TIPIN: variants seen among roughly 807,000 people sequenced by gnomAD.
TIPIN encodes TIMELESS interacting protein.
A neutral mutation model predicts 35.6 loss-of-function variants in TIPIN; 29 were observed. That is an observed-to-expected ratio of 0.82 (90% CI 0.61 to 1.11). TIPIN has a LOEUF of 1.11. Ranked by LOEUF, TIPIN falls within the 50% of genes most tolerant of loss-of-function variation. TIPIN has a pLI of 0.00. For synonymous variants in TIPIN, 102 were observed against 121.5 expected (o/e 0.84, Z 1.06); for missense variants, 296 against 345.4 (o/e 0.86, Z 1.13).
intron 1 of TIPIN, among the ~76,000 whole-genome samples, chr15:66,377,847 TTTC>T (rs1351434098): frequency 6.6e-6 from 1 of 152,056 alleles, no homozygotes; most frequent in Non-Finnish European, 1.5e-5. Flanking sequence ...CGACTAATTT[TTTC>T]TTTTTTTTTT....
chr15:66,372,628 G>C (rs1157621127), intron 1 of TIPIN, among the ~76,000 whole-genome samples: 1 of 152,108 alleles, frequency 6.6e-6, no homozygotes, highest in Non-Finnish European at 1.5e-5. Context: ...TAATAGGGCC[G>C]GGACCTGTGG....
At chr15:66,385,875 C>CCTGGGCTCAAGTGATCCT (rs2093336006) in intron 1 of TIPIN, among the ~76,000 whole-genome samples, 1 of 151,954 alleles carries the variant, frequency 6.6e-6, no homozygotes, top group Non-Finnish European at 1.5e-5. Context: ...GCCTCAAACT[C>CCTGGGCTCAAGTGATCCT]CTGGGCTCAA....
At chr15:66,369,178 A>G (rs889232075) in intron 1 of TIPIN, among the ~76,000 whole-genome samples, 2 of 152,152 alleles carry the variant, frequency 1.3e-5, no homozygotes, top group African/African-American at 4.8e-5. Context: ...TGCATGGTTC[A>G]GCGGTAATCA....
chr15:66,377,972 A>T (rs998261835), intron 1 of TIPIN, among the ~76,000 whole-genome samples: 2 of 152,072 alleles, frequency 1.3e-5, no homozygotes, highest in Non-Finnish European at 2.9e-5. Flanking sequence ...CAGTCTCCCA[A>T]GTAGCTGGGA....
intron 1 of TIPIN, among the ~76,000 whole-genome samples, chr15:66,365,140 C>T (rs746585661): frequency 1.3e-5 from 2 of 151,804 alleles, no homozygotes; most frequent in Non-Finnish European, 2.9e-5. Flanking sequence ...GATAAGAGGT[C>T]AACAGGACTG....
intron 6 of TIPIN, among the ~76,000 whole-genome samples, chr15:66,343,106 C>T (rs572161821): frequency 6.6e-6 from 1 of 152,228 alleles, no homozygotes; most frequent in Admixed American, 6.5e-5. Flanking sequence ...TTTCTGATTG[C>T]CCAGTCAAAT....
chr15:66,347,402 A>G, intron 6 of TIPIN: 1 of 419,530 alleles, frequency 2.4e-6, no homozygotes, highest in South Asian at 1.7e-5. Context: ...GCAAACTTTC[A>G]TCATAAATTA....
chr15:66,336,897 C>G lies in TIPIN; in HGVS notation c.*61G>C. The G allele has an allele frequency of 6.9e-7, 1 of 1,445,070 alleles. No homozygotes were observed. The highest frequency in any genetic ancestry group is 9.5e-7 in the Non-Finnish European group (1 of 1,049,816). The allele number at this position is 1,445,070 out of a possible 1,614,324, so 89.5% of individuals were successfully genotyped here. On this transcript the variant is annotated 3_prime_UTR_variant, in exon 8 of 8. Transcript: ENST00000261881. ...ATTTTCACTCCAAGAAGAAAAAATA[C>G]ATAGTAACGCCAAGCTTGCAGGACG...
intron 6 of TIPIN, among the ~76,000 whole-genome samples, chr15:66,341,894 T>A (rs994778336): frequency 1.1e-4 from 17 of 152,104 alleles, no homozygotes; most frequent in African/African-American, 3.9e-4. Flanking sequence ...CAATTTAAAA[T>A]ATGCATGAAG....
Position 66,386,205 on chromosome 15 carries a change from T to TCG in TIPIN, c.-9+400_-9+401dup, listed in dbSNP as rs201702738. Among the ~76,000 whole-genome samples the TCG allele has an allele frequency of 7.2e-3, 1,092 of 151,896 alleles. 12 individuals are homozygous for TCG. Among genetic ancestry groups the TCG allele is most frequent in the African/African-American group, 0.025 (1,050 of 41,390 alleles). ...TACTCAGGAGACTGAGGCAGGAGAATCGCTTGAACGTGGGAGGCAGAGGTG... is the reference window on the plus strand; with the variant it reads ...TACTCAGGAGACTGAGGCAGGAGAATCGCGCTTGAACGTGGGAGGCAGAGGTG... On this transcript the variant is annotated intron_variant, in intron 1 of 7. Transcript: ENST00000562124.
chr15:66,379,435 T>C, intron 1 of TIPIN: 1 of 1,604,052 alleles, frequency 6.2e-7, no homozygotes, highest in East Asian at 2.2e-5. Context: ...GCTTGCTGAA[T>C]CAAAGCCGCT....
In TIPIN at chr15:66,337,773, A is replaced by T. The variant is rs531260376; in HGVS notation, c.683-592T>A. Among the ~76,000 whole-genome samples the T allele has an allele frequency of 6.6e-3, 401 of 60,372 alleles. 2 individuals are homozygous for T. The highest frequency in any genetic ancestry group is 0.013 in the African/African-American group (275 of 21,166). 39.6% of individuals were successfully genotyped at this position (60,372 alleles called of 152,430 possible). A position where few individuals can be genotyped will look rare whatever the true frequency, so the allele number is the denominator to read the frequency against. ...CCCATGTCAACAAAACATCAAAAAA[A>T]ATAAAATAAAAAAAAAAATAATTAG... On this transcript the variant is annotated intron_variant, in intron 7 of 7. Transcript: ENST00000261881.
At chr15:66,350,804 G>A (rs1415870236) in intron 4 of TIPIN, among the ~76,000 whole-genome samples, 2 of 151,134 alleles carry the variant, frequency 1.3e-5, no homozygotes, top group South Asian at 2.1e-4. Context: ...GCCTGTTGGC[G>A]GGCGCCTGTA....
intron 1 of TIPIN, among the ~76,000 whole-genome samples, chr15:66,375,964 G>A (rs62011752): frequency 0.47 from 70,163 of 150,830 alleles, 18,369 homozygotes; most frequent in South Asian, 0.65. Context: ...AGCCAGTCAC[G>A]GCGGCGCACG....
upstream of TIPIN, among the ~76,000 whole-genome samples, chr15:66,358,617 T>C (rs1411561195): frequency 6.6e-6 from 1 of 152,120 alleles, no homozygotes; most frequent in African/African-American, 2.4e-5. Flanking sequence ...AGTTTCGCCA[T>C]GTTGCCCAGG....
At chr15:66,376,714 C>A (rs1335064520) in intron 1 of TIPIN, among the ~76,000 whole-genome samples, 2 of 151,788 alleles carry the variant, frequency 1.3e-5, no homozygotes, top group African/African-American at 4.8e-5. Context: ...CAGGCATGAG[C>A]CACCGTGCCC....
chr15:66,370,937 G>A lies in TIPIN; in HGVS notation c.-9+15670C>T, dbSNP rs191802442. Among the ~76,000 whole-genome samples, 20 of 152,246 alleles carry A rather than the reference G, an allele frequency of 1.3e-4. 1 individual carries two copies. Among genetic ancestry groups the A allele is most frequent in the Middle Eastern group, 3.4e-3 (1 of 294 alleles). ...GAAAGTGTATCAAGCAAGGCCAGGCGCGGTGGCTCACACGTGTAATCCCAG... is the reference window on the plus strand; with the variant it reads ...GAAAGTGTATCAAGCAAGGCCAGGCACGGTGGCTCACACGTGTAATCCCAG... On this transcript the variant is annotated intron_variant, in intron 1 of 7. Coordinates refer to the TIPIN transcript ENST00000562124.
rs767921381 is a variant in TIPIN, at chr15:66,383,640, A to ACACT, written c.-9+2963_-9+2966dup. ...ATGCATGTTTAACATGAATAAGGAC[A>ACACT]CACTTCTACACACACATGCATACAT... On this transcript the variant is annotated intron_variant, in intron 1 of 7. Coordinates refer to the TIPIN transcript ENST00000562124. The ACACT allele has an allele frequency of 1.1e-5, 10 of 924,428 alleles. No individual in the cohort carries two copies. In the Admixed American group the frequency reaches 1.9e-4, roughly 17 times the overall value. The allele number at this position is 924,428 out of a possible 1,614,324, so 57.3% of individuals were successfully genotyped here.
intron 1 of TIPIN, chr15:66,379,560 C>G: frequency 1.1e-5 from 17 of 1,611,192 alleles, no homozygotes; most frequent in Non-Finnish European, 1.4e-5. Flanking sequence ...GTATTTTTCA[C>G]CCAAGAAATT....
Sources: gnomAD v4.1 joint callset for allele counts (sites outside exome capture counted in the v4.1 genomes callset) on GRCh38, gnomAD v4.1.1 for gene constraint, MANE v1.5 for transcripts, NCBI Gene and HGNC (gene_info 2026-07-23, HGNC 2026-07-21) for gene names.